LINGO1: variants seen among roughly 807,000 people sequenced by gnomAD.
LINGO1 encodes the protein leucine rich repeat and Ig domain containing 1.
Under a neutral mutation model 37.3 loss-of-function variants are expected in LINGO1, and 11 were observed. The ratio of observed to expected loss-of-function variants is 0.29; its 90% confidence interval spans 0.19 to 0.49. LINGO1 has a LOEUF of 0.49. Ranked by LOEUF, LINGO1 falls within the 20% of genes least tolerant of loss-of-function variation. The probability of loss-of-function intolerance (pLI) is 0.99; values close to 1 mark genes in which losing one functional copy is unlikely to be tolerated. For synonymous variants in LINGO1, 387 were observed against 403.0 expected, an observed-to-expected ratio of 0.96 and a Z score of 0.48; for missense variants, 585 against 878.2, an observed-to-expected ratio of 0.67 and a Z score of 4.22.
At chr15:77,744,255 C>T (rs954697860) in intron 1 of LINGO1, among the ~76,000 whole-genome samples, 1 of 152,236 alleles carries the variant, frequency 6.6e-6, no homozygotes, top group African/African-American at 2.4e-5. Context: ...AAAAGCCAGC[C>T]TGGCACAGTG....
intron 2 of LINGO1, among the ~76,000 whole-genome samples, chr15:77,705,157 C>A (rs1368563872): frequency 1.5e-5 from 1 of 66,994 alleles, no homozygotes; most frequent in Non-Finnish European, 3.7e-5. Context: ...CTGAAGATAC[C>A]CCCCTCCCCC....
intron 1 of LINGO1, among the ~76,000 whole-genome samples, chr15:77,616,761 G>A (rs1304624790): frequency 6.6e-6 from 1 of 152,172 alleles, no homozygotes; most frequent in Admixed American, 6.5e-5. Flanking sequence ...CTGCCTCCTG[G>A]TCTTGACTCC....
At chr15:77,729,627 C>T (rs908320513) in intron 2 of LINGO1, among the ~76,000 whole-genome samples, 4 of 152,200 alleles carry the variant, frequency 2.6e-5, no homozygotes, top group African/African-American at 9.7e-5. Flanking sequence ...GATCTGACCT[C>T]CACTCTCCAC....
chr15:77,709,246 T>A (rs2075889635), intron 2 of LINGO1, among the ~76,000 whole-genome samples: 1 of 152,208 alleles, frequency 6.6e-6, no homozygotes, highest in Admixed American at 6.5e-5. Flanking sequence ...AAAATGGCCT[T>A]AAAATGGGGT....
At chr15:77,819,814 C>G (rs1324679244) in intron 1 of LINGO1, among the ~76,000 whole-genome samples, 1 of 151,314 alleles carries the variant, frequency 6.6e-6, no homozygotes, top group African/African-American at 2.4e-5. Context: ...GAACCTGGGC[C>G]CAGGTGCCGA....
intron 3 of LINGO1, among the ~76,000 whole-genome samples, chr15:77,672,048 C>A (rs2075259504): frequency 6.8e-6 from 1 of 147,690 alleles, no homozygotes; most frequent in Admixed American, 6.6e-5. Context: ...AGGCCAAGCA[C>A]ATGGGTACAG....
At chr15:77,664,168 T>TGCGCGCGCGCGCGC (rs1459404193) in intron 3 of LINGO1, among the ~76,000 whole-genome samples, 1 of 120,262 alleles carries the variant, frequency 8.3e-6, no homozygotes, top group African/African-American at 4.4e-5. Flanking sequence ...TGTGTGTGTG[T>TGCGCGCGCGCGCGC]GTGCGCGCGC....
chr15:77,818,268 G>A (rs1263885191), intron 1 of LINGO1, among the ~76,000 whole-genome samples: 1 of 152,208 alleles, frequency 6.6e-6, no homozygotes, highest in Non-Finnish European at 1.5e-5. Context: ...AGGAGACACG[G>A]GGTTCTCTCC....
At chr15:77,807,742 C>T (rs1323758373) in intron 1 of LINGO1, among the ~76,000 whole-genome samples, 1 of 152,114 alleles carries the variant, frequency 6.6e-6, no homozygotes, top group African/African-American at 2.4e-5. Flanking sequence ...ATTGCTTTTG[C>T]CAACTATCAC....
intron 1 of LINGO1, among the ~76,000 whole-genome samples, chr15:77,814,001 C>T (rs542750424): frequency 1.3e-5 from 2 of 151,982 alleles, no homozygotes; most frequent in African/African-American, 2.4e-5. Context: ...CCTAGGAAGC[C>T]CCCCCAATCT....
rs550148808 is a variant in LINGO1, at chr15:77,709,915, C to T, written c.-194-19014G>A. ...GCATATCAGACCACCCAGTGAGACC[C>T]CACACGGTGTCCCCAGACCTAGTTT... On this transcript the variant is annotated intron_variant, in intron 2 of 3. Transcript: ENST00000561686. Among the ~76,000 whole-genome samples, 19 of 152,350 alleles carry T rather than the reference C, an allele frequency of 1.2e-4. No homozygotes were observed. In the South Asian group the frequency reaches 3.3e-3, roughly 27 times the overall value.
At chr15:77,714,516 C>G (rs560041262) in intron 2 of LINGO1, among the ~76,000 whole-genome samples, 1 of 152,308 alleles carries the variant, frequency 6.6e-6, no homozygotes, top group South Asian at 2.1e-4. Flanking sequence ...CCTCATCCCC[C>G]TCACGGTCCT....
At chr15:77,743,922 C>T (rs539933426) in intron 1 of LINGO1, among the ~76,000 whole-genome samples, 1 of 152,278 alleles carries the variant, frequency 6.6e-6, no homozygotes, top group African/African-American at 2.4e-5. Flanking sequence ...CCCTCCCTGC[C>T]TTCATTTATT....
intron 2 of LINGO1, among the ~76,000 whole-genome samples, chr15:77,731,098 A>G (rs2076150489): frequency 6.6e-6 from 1 of 152,120 alleles, no homozygotes; most frequent in Non-Finnish European, 1.5e-5. Context: ...AATTATTTTT[A>G]TTATTCCGGG....
chr15:77,680,583 C>T (rs531208288), intron 2 of LINGO1, among the ~76,000 whole-genome samples: 1 of 152,270 alleles, frequency 6.6e-6, no homozygotes, highest in South Asian at 2.1e-4. Context: ...CAATGGGCTC[C>T]ACCTGCAGGA....
At chr15:77,792,976 G>C (rs1286076178) in intron 2 of LINGO1, among the ~76,000 whole-genome samples, 1 of 152,200 alleles carries the variant, frequency 6.6e-6, no homozygotes, top group Non-Finnish European at 1.5e-5. Flanking sequence ...CTAGGGAGAG[G>C]CCATTAGCTC....
chr15:77,713,765 C>CG (rs1478408801), intron 2 of LINGO1, among the ~76,000 whole-genome samples: 5 of 152,114 alleles, frequency 3.3e-5, no homozygotes, highest in African/African-American at 1.2e-4. Context: ...TCATCATGCC[C>CG]GCAGCTGACT....
chr15:77,643,513 G>A (rs544017543), intron 3 of LINGO1, among the ~76,000 whole-genome samples: 2 of 152,320 alleles, frequency 1.3e-5, no homozygotes, highest in Admixed American at 6.5e-5. Flanking sequence ...GGGAAAGCTG[G>A]GAGCCTCAGG....
At chr15:77,732,951 C>T (rs768413513) in intron 2 of LINGO1, among the ~76,000 whole-genome samples, 5 of 152,220 alleles carry the variant, frequency 3.3e-5, no homozygotes, top group African/African-American at 7.2e-5. Flanking sequence ...CCCTCCCCAC[C>T]GGCCACGGCC....
Sources: allele counts gnomAD v4.1 joint callset (sites outside exome capture counted in the v4.1 genomes callset), GRCh38; gene constraint gnomAD v4.1.1; transcripts MANE v1.5; gene names NCBI Gene and HGNC (gene_info 2026-07-23, HGNC 2026-07-21).